The following ATL1 variants were observed in gnomAD, a reference collection of about 807,000 sequenced individuals.
The protein encoded by ATL1 is atlastin-1.
In ATL1, 31 loss-of-function variants were observed where a neutral mutation model predicts 75.5. The ratio of observed to expected loss-of-function variants is 0.41; its 90% CI spans 0.31 to 0.55. The LOEUF (loss-of-function observed/expected upper bound fraction) is 0.55. ATL1 is among the 20% of genes least tolerant of loss of function. The probability of loss-of-function intolerance (pLI) is 0.27; values close to 1 mark genes in which losing one functional copy is unlikely to be tolerated. For missense variants in ATL1, 405 were observed against 662.6 expected, an observed-to-expected ratio of 0.61 and a Z score of 4.27; for synonymous variants, 226 against 233.3, an observed-to-expected ratio of 0.97 and a Z score of 0.28.
chr14:50,591,159 A>G, intron 3 of ATL1, 84 bp downstream of exon 3: 2 of 1,390,098 alleles, frequency 1.4e-6, no homozygotes, highest in South Asian at 1.2e-5. Flanking sequence ...TGCACTTTTG[A>G]AAATTAATTT....
intron 1 of ATL1, among the ~76,000 whole-genome samples, chr14:50,584,253 C>T (rs1352254649): frequency 6.6e-6 from 1 of 152,050 alleles, no homozygotes; most frequent in East Asian, 1.9e-4. Flanking sequence ...TTGTGTGTGC[C>T]TGTAGTCCCA....
chr14:50,543,454 C>T (rs2038591419), intron 1 of ATL1, among the ~76,000 whole-genome samples: 1 of 152,208 alleles, frequency 6.6e-6, no homozygotes, highest in Non-Finnish European at 1.5e-5. Context: ...TGCCACAATT[C>T]ATGGGCTTAT....
rs186568909 is a variant in ATL1, at chr14:50,620,195, T to G, written c.863-404T>G. On this transcript the variant is annotated intron_variant, in intron 8 of 13. Coordinates refer to ENST00000358385, the MANE Select transcript of ATL1 (RefSeq NM_015915.5). ...ATTGCTTGAACCCAGGAGGCAGAGG[T>G]TGCAGTGAGCTGAGATTGCACCACT... 2.5e-4 allele frequency among the ~76,000 whole-genome samples: 38 copies of G among 152,176 alleles called. 1 individual carries two copies. The East Asian group carries it at 7.1e-3, about 29-fold the overall frequency.
chr14:50,536,424 A>G (rs1423293173), intron 1 of ATL1, among the ~76,000 whole-genome samples: 1 of 132,228 alleles, frequency 7.6e-6, no homozygotes, highest in African/African-American at 3.0e-5. Flanking sequence ...CAACAAGAGC[A>G]AAACTCTGTC....
At chr14:50,595,886 T>G (rs1253141642) in intron 6 of ATL1, among the ~76,000 whole-genome samples, 1 of 78,048 alleles carries the variant, frequency 1.3e-5, no homozygotes, top group Non-Finnish European at 2.3e-5. Context: ...AAATGTCAGC[T>G]TTTTTTTTTT....
At chr14:50,564,647 CAAAAAAAAAAAAAAAA>C (rs60054322) in intron 1 of ATL1, among the ~76,000 whole-genome samples, 1 of 40,004 alleles carries the variant, frequency 2.5e-5, no homozygotes, top group African/African-American at 1.1e-4. Flanking sequence ...GATTCCGTCT[CAAAAAAAAAAAAAAAA>C]AAAAAAAAAA....
At chr14:50,566,733 T>C (rs757893426) in intron 1 of ATL1, among the ~76,000 whole-genome samples, 15 of 152,202 alleles carry the variant, frequency 9.9e-5, no homozygotes, top group Non-Finnish European at 1.9e-4. Context: ...CTGATTGTCT[T>C]ATAGATCTCT....
At chr14:50,598,993 A>T (rs958650391) in intron 6 of ATL1, among the ~76,000 whole-genome samples, 1 of 152,230 alleles carries the variant, frequency 6.6e-6, no homozygotes, top group Admixed American at 6.5e-5. Context: ...TAAAGCTAAT[A>T]GAAGAAAGTG....
At chr14:50,565,589 C>A (rs529370474) in intron 1 of ATL1, among the ~76,000 whole-genome samples, 1 of 151,670 alleles carries the variant, frequency 6.6e-6, no homozygotes, top group Admixed American at 6.6e-5. Flanking sequence ...AAGTTGCCTT[C>A]CCTGCATCTT....
At chr14:50,534,856 A>G (rs2038472850) in intron 1 of ATL1, among the ~76,000 whole-genome samples, 1 of 152,270 alleles carries the variant, frequency 6.6e-6, no homozygotes, top group Non-Finnish European at 1.5e-5. Context: ...TGCTTTGTAA[A>G]GAAATGCAAA....
At chr14:50,550,722 A>G (rs1039348867) in intron 1 of ATL1, among the ~76,000 whole-genome samples, 2 of 152,264 alleles carry the variant, frequency 1.3e-5, no homozygotes, top group Non-Finnish European at 2.9e-5. Context: ...AGTGAAATAA[A>G]ACTGGAAAAT....
chr14:50,544,221 C>T (rs2038599460), intron 1 of ATL1, among the ~76,000 whole-genome samples: 1 of 152,156 alleles, frequency 6.6e-6, no homozygotes, highest in South Asian at 2.1e-4. Context: ...GTGACCCCAC[C>T]AGATGAGGTA....
intron 6 of ATL1, among the ~76,000 whole-genome samples, chr14:50,597,769 A>G (rs535513945): frequency 6.6e-6 from 1 of 152,162 alleles, no homozygotes; most frequent in East Asian, 1.9e-4. Flanking sequence ...ATCTCGGCTC[A>G]CTGCAAGCTC....
chr14:50,619,470 C>G (rs774125867), intron 8 of ATL1, among the ~76,000 whole-genome samples: 1 of 152,066 alleles, frequency 6.6e-6, no homozygotes, highest in Non-Finnish European at 1.5e-5. Context: ...CCCAAAGTGC[C>G]GGGATTACAG....
chr14:50,620,043 A>C (rs1175946818), intron 8 of ATL1, among the ~76,000 whole-genome samples: 2 of 152,160 alleles, frequency 1.3e-5, no homozygotes, highest in Non-Finnish European at 2.9e-5. Flanking sequence ...GAGGATCATG[A>C]GGTCAAGAGA....
rs917226366 is a variant in ATL1, at chr14:50,610,187, C to T, written c.631-3072C>T. Among the ~76,000 whole-genome samples the T allele has an allele frequency of 3.9e-5, 6 of 151,930 alleles. No individual in the cohort carries two copies. The South Asian group carries it at 6.2e-4, about 16-fold the overall frequency. On this transcript the variant is annotated intron_variant, in intron 6 of 13. Transcript: ENST00000358385. ...AAGAGATGAGAGAAAAAACTTTTCT[C>T]GAATAAAACTTGAATCTTCATACTA...
intron 1 of ATL1, among the ~76,000 whole-genome samples, chr14:50,565,310 A>T (rs192956885): frequency 1.9e-3 from 287 of 151,590 alleles, no homozygotes; most frequent in Middle Eastern, 3.4e-3. Flanking sequence ...AATAAATAAA[A>T]AACAAACAAA....
intron 12 of ATL1, 79 bp from the exon 13 acceptor site, chr14:50,629,915 TA>T: frequency 8.9e-7 from 1 of 1,118,892 alleles, no homozygotes; most frequent in Non-Finnish European, 1.3e-6. Context: ...ATTAATATTG[TA>T]AGCAAAGTTG....
intron 1 of ATL1, among the ~76,000 whole-genome samples, chr14:50,586,311 C>A (rs901349905): frequency 6.6e-6 from 1 of 152,182 alleles, no homozygotes; most frequent in African/African-American, 2.4e-5. Flanking sequence ...TCTCACAGTT[C>A]TGGCAGCTGG....
Sources: allele counts gnomAD v4.1 joint callset (sites outside exome capture counted in the v4.1 genomes callset), GRCh38; gene constraint gnomAD v4.1.1; transcripts MANE v1.5; gene names NCBI Gene and HGNC (gene_info 2026-07-23, HGNC 2026-07-21).